Variants in HECW2 observed in about 807,000 individuals in gnomAD.
The protein encoded by HECW2 is E3 ubiquitin-protein ligase HECW2.
HECW2 carries 61 observed loss-of-function variants against 175.2 expected under a neutral mutation model. The observed-to-expected ratio is 0.35, with a 90% CI of 0.28 to 0.43. HECW2 has a LOEUF of 0.43. Among genes scored for constraint, HECW2 ranks in the 20% least tolerant of loss-of-function variants. The pLI is 1.00. For synonymous variants in HECW2, 671 were observed against 731.0 expected (o/e 0.92, Z 1.32); for missense variants, 1,524 against 2,000.5 (o/e 0.76, Z 4.54).
chr2:196,556,383 G>C (rs140907602), intron 1 of HECW2, among the ~76,000 whole-genome samples: 1 of 152,100 alleles, frequency 6.6e-6, no homozygotes, highest in African/African-American at 2.4e-5. Context: ...ATGCTGTACA[G>C]TAAGTCTCCA....
At chr2:196,276,130 T>C (rs1689947410) in intron 15 of HECW2, among the ~76,000 whole-genome samples, 1 of 152,180 alleles carries the variant, frequency 6.6e-6, no homozygotes. Flanking sequence ...AAGCCAAAGG[T>C]CTTCTCCCTA....
At chr2:196,441,208 T>C (rs1159851752) in intron 1 of HECW2, among the ~76,000 whole-genome samples, 1 of 152,212 alleles carries the variant, frequency 6.6e-6, no homozygotes, top group East Asian at 1.9e-4. Context: ...AAACCTCACC[T>C]GAAGGGCAGG....
chr2:196,398,189 C>T (rs1575500288), intron 2 of HECW2, among the ~76,000 whole-genome samples: 1 of 151,834 alleles, frequency 6.6e-6, no homozygotes, highest in African/African-American at 2.4e-5. Context: ...AGGGAGGATA[C>T]ATTGGCCTGA....
Position 196,310,477 on chromosome 2 carries a change from C to T in HECW2, c.2435-2392G>A, listed in dbSNP as rs190150525. ...CAATATCATTCTACCCAGGCAAAGG[C>T]AGCAGAGGTGCCTGCAGGAAGGTTA... On this transcript the variant is annotated intron_variant, in intron 10 of 28. Coordinates refer to ENST00000644978, the MANE Select transcript of HECW2 (RefSeq NM_001348768.2). 3.3e-5 allele frequency among the ~76,000 whole-genome samples: 5 copies of T among 152,330 alleles called. No individual in the cohort carries two copies. In the East Asian group the frequency reaches 9.6e-4, roughly 29 times the overall value.
intron 1 of HECW2, among the ~76,000 whole-genome samples, chr2:196,547,027 T>C (rs1271426888): frequency 6.6e-6 from 1 of 152,092 alleles, no homozygotes; most frequent in Non-Finnish European, 1.5e-5. Flanking sequence ...TCCTCTACAA[T>C]ACAGTATGAA....
intron 1 of HECW2, among the ~76,000 whole-genome samples, chr2:196,593,298 G>T (rs1181481676): frequency 4.6e-5 from 7 of 151,014 alleles, no homozygotes; most frequent in Non-Finnish European, 1.0e-4. Flanking sequence ...GGGGTCCTGC[G>T]CCTCCGGGAG....
chr2:196,540,163 C>T (rs1689163102), intron 1 of HECW2, among the ~76,000 whole-genome samples: 1 of 152,124 alleles, frequency 6.6e-6, no homozygotes, highest in Non-Finnish European at 1.5e-5. Context: ...AAACATTGTA[C>T]TTCAAATGTT....
rs113145147 is a variant in HECW2 at position 196,555,399 on chromosome 2, A to G, written c.-36+38109T>C. Reference sequence around the variant, plus strand: ...TGCGAATCCTTTTCATGAGGGCTCCATTGTCATGACCTAATCACCTGCCAA... The same window carrying G: ...TGCGAATCCTTTTCATGAGGGCTCCGTTGTCATGACCTAATCACCTGCCAA... On this transcript the variant is annotated intron_variant, in intron 1 of 28. Coordinates refer to ENST00000644978, the MANE Select transcript of HECW2 (RefSeq NM_001348768.2). 7.2e-4 allele frequency among the ~76,000 whole-genome samples: 110 copies of G among 152,244 alleles called. 3 individuals carry two copies. Among genetic ancestry groups the G allele is most frequent in the African/African-American group, 2.2e-3 (91 of 41,532 alleles).
chr2:196,546,977 TCGGGAAA>T (rs1689446397), intron 1 of HECW2, among the ~76,000 whole-genome samples: 1 of 152,054 alleles, frequency 6.6e-6, no homozygotes, highest in African/African-American at 2.4e-5. Context: ...GAAGTAAGCA[TCGGGAAA>T]GTATGACAGC....
intron 2 of HECW2, among the ~76,000 whole-genome samples, chr2:196,401,077 A>G (rs931731860): frequency 6.6e-6 from 1 of 152,250 alleles, no homozygotes; most frequent in African/African-American, 2.4e-5. Flanking sequence ...GTCTCAAATT[A>G]AATGCGCACA....
chr2:196,496,328 GATA>G (rs1413344581), intron 1 of HECW2, among the ~76,000 whole-genome samples: 1 of 151,974 alleles, frequency 6.6e-6, no homozygotes, highest in African/African-American at 2.4e-5. Flanking sequence ...TGATGTTTCT[GATA>G]ATATTTTCTT....
intron 1 of HECW2, among the ~76,000 whole-genome samples, chr2:196,445,536 G>A (rs1696158311): frequency 6.6e-6 from 1 of 152,160 alleles, no homozygotes. Flanking sequence ...TGAGTAAAGT[G>A]CCTACTGTGT....
chr2:196,516,555 T>C (rs1209489623), intron 1 of HECW2, among the ~76,000 whole-genome samples: 1 of 152,242 alleles, frequency 6.6e-6, no homozygotes, highest in Non-Finnish European at 1.5e-5. Flanking sequence ...TTTGTATGTC[T>C]GGCTCTTATT....
chr2:196,493,493 T>C (rs1240316041), intron 1 of HECW2: 2 of 152,234 alleles, frequency 1.3e-5, no homozygotes, highest in Non-Finnish European at 2.9e-5. Flanking sequence ...TGTCAGTGTA[T>C]TAGATATTAT....
intron 1 of HECW2, among the ~76,000 whole-genome samples, chr2:196,477,004 G>T (rs866182785): frequency 1.3e-5 from 2 of 148,920 alleles, no homozygotes; most frequent in African/African-American, 4.9e-5. Context: ...TTAGCCAGGC[G>T]TGGTGGCACA....
At chr2:196,398,428 T>C (rs1013170207) in intron 2 of HECW2, among the ~76,000 whole-genome samples, 1 of 152,228 alleles carries the variant, frequency 6.6e-6, no homozygotes, top group African/African-American at 2.4e-5. Context: ...GATATTGCCA[T>C]AGGTTCAAAT....
At chr2:196,332,820 G>A (rs1401560465) in intron 4 of HECW2, among the ~76,000 whole-genome samples, 1 of 152,112 alleles carries the variant, frequency 6.6e-6, no homozygotes, top group Non-Finnish European at 1.5e-5. Flanking sequence ...ACTAAAGTCT[G>A]TTCCAGTGCT....
chr2:196,372,210 T>C (rs1693926681), intron 2 of HECW2, among the ~76,000 whole-genome samples: 1 of 152,202 alleles, frequency 6.6e-6, no homozygotes, highest in South Asian at 2.1e-4. Flanking sequence ...ATTTTCTTGA[T>C]ATGTGGCAAT....
rs957894510 is a variant in HECW2, at chr2:196,195,594, T to C, written c.*5683A>G. 2 of 152,354 alleles carry C rather than the reference T, an allele frequency of 1.3e-5. No homozygotes were observed. Among genetic ancestry groups the C allele is most frequent in the East Asian group, 3.9e-4 (2 of 5,190 alleles). The allele number at this position is 152,354 out of a possible 1,614,324, so 9.4% of individuals were successfully genotyped here. A position where few individuals can be genotyped will look rare whatever the true frequency, so the allele number is the denominator to read the frequency against. On this transcript the variant is annotated 3_prime_UTR_variant, in exon 29 of 29. Coordinates refer to ENST00000644978, the MANE Select transcript of HECW2 (RefSeq NM_001348768.2). Reference sequence around the variant, plus strand: ...TCCATTTGCAACCTCACTCTTAGGATTTCACTTTCCAGATTAACAGAGAGC... The same window carrying C: ...TCCATTTGCAACCTCACTCTTAGGACTTCACTTTCCAGATTAACAGAGAGC...
Sources: allele counts gnomAD v4.1 joint callset (sites outside exome capture counted in the v4.1 genomes callset), GRCh38; gene constraint gnomAD v4.1.1; transcripts MANE v1.5; gene names NCBI Gene and HGNC (gene_info 2026-07-23, HGNC 2026-07-21).